The following NPR2 variants were observed in gnomAD, a reference collection of about 807,000 sequenced individuals.
The protein encoded by NPR2 is natriuretic peptide receptor 2.
In NPR2, 49 loss-of-function variants were observed where a neutral mutation model predicts 120.7. The observed-to-expected ratio is 0.41, with a 90% CI of 0.32 to 0.52. The LOEUF is 0.52. Ranked by LOEUF, NPR2 falls within the 20% of genes least tolerant of loss-of-function variation. The probability of loss-of-function intolerance (pLI) is 0.36; values close to 1 mark genes in which losing one functional copy is unlikely to be tolerated. For synonymous variants in NPR2, 484 were observed against 519.8 expected (o/e 0.93, Z 0.94); for missense variants, 931 against 1,362.9 (o/e 0.68, Z 4.99).
Position 35,809,579 on chromosome 9 carries a change from A to C in NPR2, c.*134A>C. ...ACAGCCACAAAAAAACCTACCTTAT[A>C]TGGAAGTTGTAGCCCTCTGCAGCTC... On this transcript the variant is annotated 3_prime_UTR_variant, in exon 22 of 22. Coordinates refer to ENST00000342694, the MANE Select transcript of NPR2 (RefSeq NM_003995.4). The surrounding 1 kb of genome is among the most constrained non-coding windows in gnomAD (Gnocchi z 4.1). 1 of 1,457,264 alleles carries C rather than the reference A, an allele frequency of 6.9e-7. No homozygotes were observed. Among genetic ancestry groups the C allele is most frequent in the Non-Finnish European group, 9.6e-7 (1 of 1,039,936 alleles). 90.3% of individuals were successfully genotyped at this position (1,457,264 alleles called of 1,614,324 possible).
Position 35,809,182 on chromosome 9 carries a change from A to G in NPR2, c.3013A>G (p.Thr1005Ala). The change falls in exon 21 of 22, where the codon ACC (threonine) becomes GCC (alanine). Residue 1005 changes from threonine to alanine, a missense_variant. Transcript: ENST00000342694. This position sits in a 1 kb window ranked among gnomAD's most constrained non-coding sequence, Gnocchi z 4.1. The part of the protein sequence containing the change: ...QALKIHVSST[T>A]KDALDELGCF... ...GCTGAAGATCCATGTCTCCTCTACCACCAAGGATGCCCTAGATGAGCTAGG... is the reference window on the plus strand; with the variant it reads ...GCTGAAGATCCATGTCTCCTCTACCGCCAAGGATGCCCTAGATGAGCTAGG... The G allele has an allele frequency of 6.2e-7, 1 of 1,613,792 alleles. No individual in the cohort carries two copies. Among genetic ancestry groups the G allele is most frequent in the Non-Finnish European group, 8.5e-7 (1 of 1,179,904 alleles).
chr9:35,809,341 A>G lies in NPR2; in HGVS notation c.3079-39A>G, dbSNP rs190602856. 2.9e-5 allele frequency: 46 copies of G among 1,613,190 alleles called. No individual in the cohort carries two copies. The Middle Eastern group carries it at 3.0e-3, about 104-fold the overall frequency. On this transcript the variant is annotated intron_variant, in intron 21 of 21. Transcript: ENST00000342694. The surrounding 1 kb of genome is among the most constrained non-coding windows in gnomAD (Gnocchi z 4.1). ...AAGAGAGGGAGACAAAGGGACTAACATCGAAGCATCTGAATCATGTCCACT... is the reference window on the plus strand; with the variant it reads ...AAGAGAGGGAGACAAAGGGACTAACGTCGAAGCATCTGAATCATGTCCACT...
intron 2 of NPR2, among the ~76,000 whole-genome samples, chr9:35,798,567 C>T (rs368330890): frequency 3.3e-5 from 5 of 152,138 alleles, no homozygotes; most frequent in Non-Finnish European, 7.3e-5. Context: ...CTCTATGGTC[C>T]ACATGTACTT....
In NPR2 at chr9:35,792,341, C is replaced by G; in HGVS notation, c.-68C>G. ...TCCCCAGGCTCCAGGCTGGGGGGTGCTCGCGTCTCCCCTGTAGGCCAGAGC... is the reference window on the plus strand; with the variant it reads ...TCCCCAGGCTCCAGGCTGGGGGGTGGTCGCGTCTCCCCTGTAGGCCAGAGC... On this transcript the variant is annotated 5_prime_UTR_variant, in exon 1 of 22. Coordinates refer to ENST00000342694, the MANE Select transcript of NPR2 (RefSeq NM_003995.4). 2 of 1,521,044 alleles carry G rather than the reference C, an allele frequency of 1.3e-6. No individual in the cohort carries two copies. Among genetic ancestry groups the G allele is most frequent in the Non-Finnish European group, 8.9e-7 (1 of 1,128,020 alleles). The allele number at this position is 1,521,044 out of a possible 1,614,324, so 94.2% of individuals were successfully genotyped here.
intron 2 of NPR2, among the ~76,000 whole-genome samples, chr9:35,794,486 T>A (rs1253552175): frequency 6.6e-6 from 1 of 152,182 alleles, no homozygotes; most frequent in Non-Finnish European, 1.5e-5. Context: ...AGAAAGGATA[T>A]GATTATGTGT....
chr9:35,805,555 T>A lies in NPR2; in HGVS notation c.1932T>A (p.Ser644Arg), dbSNP rs768534422. Reference sequence around the variant, plus strand: ...ACAGCATTATTTCATCGCATGGGAGTCTCAAGTCCTCCAACTGTGTGGTGG... The same window carrying A: ...ACAGCATTATTTCATCGCATGGGAGACTCAAGTCCTCCAACTGTGTGGTGG... ...LHNSIISSHG[S>R]LKSSNCVVDS... The change falls in exon 13 of 22, where the codon AGT becomes AGA. Residue 644 changes from serine to arginine, a missense_variant. Ser to Arg is a moderately radical substitution (Grantham distance 110, BLOSUM62 -1). Around this residue, in one of 3 missense-constraint regions of NPR2, gnomAD observed 681 missense variants for 974.3 expected, o/e 0.70. Transcript: ENST00000342694. The surrounding 1 kb of genome is among the most constrained non-coding windows in gnomAD (Gnocchi z 4.9). 6.2e-7 allele frequency: 1 copy of A among 1,614,018 alleles called. No individual in the cohort carries two copies. Among genetic ancestry groups the A allele is most frequent in the Admixed American group, 1.7e-5 (1 of 60,006 alleles).
At chr9:35,807,242 T>A in intron 17 of NPR2, 88 bp from the exon 18 acceptor site, 1 of 1,480,288 alleles carries the variant, frequency 6.8e-7, no homozygotes, top group Non-Finnish European at 9.4e-7. Context: ...TGTTCTAGAG[T>A]TCCCACATCT....
At position 35,791,634 on chromosome 9, in the gene NPR2, G is replaced by T. The variant is rs1357827290; in HGVS notation, c.-775G>T. On this transcript the variant is annotated 5_prime_UTR_variant, in exon 1 of 22. Coordinates refer to ENST00000342694, the MANE Select transcript of NPR2 (RefSeq NM_003995.4). ...CCGGCGCAGCGAGCGGAGACGGGCC[G>T]GGCCGAGGCGACCTGACCCGGACGA... Among the ~76,000 whole-genome samples, 2 of 147,128 alleles carry T rather than the reference G, an allele frequency of 1.4e-5. No individual in the cohort carries two copies. The highest frequency in any genetic ancestry group is 5.0e-5 in the African/African-American group (2 of 40,294).
At chr9:35,801,895 C>T (rs1563988204) in intron 8 of NPR2, 31 bp from the exon 9 acceptor site, 2 of 1,611,834 alleles carry the variant, frequency 1.2e-6, no homozygotes, top group African/African-American at 1.3e-5. Context: ...TTCCTTTCAT[C>T]CTTCCGCCTC....
chr9:35,806,267 G>C lies in NPR2; in HGVS notation c.2372+34G>C. 6.2e-7 allele frequency: 1 copy of C among 1,613,726 alleles called. No homozygotes were observed. Among genetic ancestry groups the C allele is most frequent in the Middle Eastern group, 1.7e-4 (1 of 6,058 alleles). ...GCATTATGGGGCAGGGGCTTCCCAG[G>C]GATAGAAGACTCATTAGTCCTAGTG... On this transcript the variant is annotated intron_variant, in intron 15 of 21. Coordinates refer to ENST00000342694, the MANE Select transcript of NPR2 (RefSeq NM_003995.4). The surrounding 1 kb of genome is among the most constrained non-coding windows in gnomAD (Gnocchi z 4.6).
chr9:35,793,217 G>A, intron 1 of NPR2, 142 bp downstream of exon 1: 1 of 900,444 alleles, frequency 1.1e-6, no homozygotes, highest in East Asian at 2.6e-5. Context: ...CGTGGACAGA[G>A]CACCTGTGAG....
Position 35,805,546 on chromosome 9 carries a change from G to A in NPR2, c.1923G>A (p.Ser641=), listed in dbSNP as rs115215069. 1.2e-4 allele frequency: 191 copies of A among 1,614,132 alleles called. No individual in the cohort carries two copies. Among genetic ancestry groups the A allele is most frequent in the Admixed American group, 2.7e-4 (16 of 60,020 alleles). The part of the protein sequence containing the change: ...MAFLHNSIIS[S]HGSLKSSNCV... ...TTCTCCACAACAGCATTATTTCATC[G>A]CATGGGAGTCTCAAGTCCTCCAACT... is the stretch of plus-strand genomic sequence containing the variant. Residue 641 remains serine (S), a synonymous_variant, in exon 13 of 22, where the codon TCG becomes TCA. Transcript: ENST00000342694. This position sits in a 1 kb window ranked among gnomAD's most constrained non-coding sequence, Gnocchi z 4.9.
chr9:35,801,852 T>A, intron 8 of NPR2, 74 bp from the exon 9 acceptor site: 1 of 1,604,914 alleles, frequency 6.2e-7, no homozygotes. Flanking sequence ...TGGCTTGTAA[T>A]GATAGCCCCT....
In NPR2 at chr9:35,808,234, C is replaced by A. The variant is rs775937103; in HGVS notation, c.2713-275C>A. The stretch of plus-strand genomic sequence containing the variant: ...GCTTCCCATTTCCTGATGGCAGAGC[C>A]TATTTGTCCATGTCCTGCTGCAGAC... On this transcript the variant is annotated intron_variant, in intron 18 of 21. Transcript: ENST00000342694. The surrounding 1 kb of genome is among the most constrained non-coding windows in gnomAD (Gnocchi z 4.0). 6.2e-7 allele frequency: 1 copy of A among 1,614,200 alleles called. No individual in the cohort carries two copies. The highest frequency in any genetic ancestry group is 2.2e-5 in the East Asian group (1 of 44,886).
At chr9:35,803,726 A>G (rs896278769) in intron 12 of NPR2, among the ~76,000 whole-genome samples, 10 of 152,264 alleles carry the variant, frequency 6.6e-5, no homozygotes, top group East Asian at 1.9e-4. Flanking sequence ...CTCATAGCCA[A>G]TGAGCATCCC....
At position 35,802,867 on chromosome 9, in the gene NPR2, T is replaced by A; in HGVS notation, c.1887+64T>A. 8.7e-7 allele frequency: 1 copy of A among 1,149,154 alleles called. No homozygotes were observed. The highest frequency in any genetic ancestry group is 1.3e-6 in the Non-Finnish European group (1 of 757,656). 71.2% of individuals were successfully genotyped at this position (1,149,154 alleles called of 1,614,324 possible). A position where few individuals can be genotyped will look rare whatever the true frequency, so the allele number is the denominator to read the frequency against. The stretch of plus-strand genomic sequence containing the variant: ...AATCACTTCCACTGTTCTTTGATTG[T>A]GGTTTTTCTCCTTCTAGTCCTCTGA... On this transcript the variant is annotated intron_variant, in intron 12 of 21. Transcript: ENST00000342694. This position sits in a 1 kb window ranked among gnomAD's most constrained non-coding sequence, Gnocchi z 4.2.
Position 35,802,823 on chromosome 9 carries a change from TA to T in NPR2, c.1887+24del. The T allele has an allele frequency of 6.6e-7, 1 of 1,506,490 alleles. No homozygotes were observed. The highest frequency in any genetic ancestry group is 9.2e-7 in the Non-Finnish European group (1 of 1,082,614). 93.3% of individuals were successfully genotyped at this position (1,506,490 alleles called of 1,614,324 possible). The stretch of plus-strand genomic sequence containing the variant: ...GTTAAGGTGAGTCTTCCCCACTCCT[TA>T]AAAGTTCATCCACTTTAAATCACTT... On this transcript the variant is annotated intron_variant, in intron 12 of 21. Coordinates refer to ENST00000342694, the MANE Select transcript of NPR2 (RefSeq NM_003995.4). This position sits in a 1 kb window ranked among gnomAD's most constrained non-coding sequence, Gnocchi z 4.2.
At chr9:35,804,982 C>T (rs1279257930) in intron 12 of NPR2, among the ~76,000 whole-genome samples, 1 of 143,420 alleles carries the variant, frequency 7.0e-6, no homozygotes, top group Non-Finnish European at 1.5e-5. Context: ...CCTCCTCTAC[C>T]CCGACCTGCC....
rs1041113337 is a variant in NPR2 at position 35,792,460 on chromosome 9, C to T, written c.52C>T (p.Arg18Cys). The change falls in exon 1 of 22, where the codon CGT becomes TGT. Residue 18 changes from arginine to cysteine, a missense_variant. Coordinates refer to ENST00000342694, the MANE Select transcript of NPR2 (RefSeq NM_003995.4). ...GGTGGCAGCCCTGGCAGGTGGGGTGCGTCCTCCCGGGGCGCGGAACCTGAC... is the reference window on the plus strand; with the variant it reads ...GGTGGCAGCCCTGGCAGGTGGGGTGTGTCCTCCCGGGGCGCGGAACCTGAC... ...LLVAALAGGVRPPGARNLTLA... is the reference protein window; with the variant it reads ...LLVAALAGGVCPPGARNLTLA... 1 of 1,610,966 alleles carries T rather than the reference C, an allele frequency of 6.2e-7. No individual in the cohort carries two copies. Among genetic ancestry groups the T allele is most frequent in the Non-Finnish European group, 8.5e-7 (1 of 1,179,822 alleles).
Sources: allele counts gnomAD v4.1 joint callset (sites outside exome capture counted in the v4.1 genomes callset), GRCh38; gene constraint gnomAD v4.1.1; regional missense constraint gnomAD v4.1.1; non-coding constraint Gnocchi (gnomAD v3.1); transcripts MANE v1.5; gene names NCBI Gene and HGNC (gene_info 2026-07-23, HGNC 2026-07-21).